The following SLC9A9 variants were observed in gnomAD, a reference collection of about 807,000 sequenced individuals.
The protein encoded by SLC9A9 is solute carrier family 9 member A9, also known as sodium/hydrogen exchanger 9.
In SLC9A9, 62 loss-of-function variants were observed where a neutral mutation model predicts 77.8. The observed-to-expected ratio is 0.80, with a 90% confidence interval of 0.65 to 0.98. The LOEUF (loss-of-function observed/expected upper bound fraction) is 0.98, where lower values mean the gene tolerates loss of function less well. Ranked by LOEUF, SLC9A9 falls within the 50% of genes least tolerant of loss-of-function variation. The probability of loss-of-function intolerance (pLI) is 0.00; values close to 1 mark genes in which losing one functional copy is unlikely to be tolerated. For missense variants in SLC9A9, 775 were observed against 774.9 expected, an observed-to-expected ratio of 1.00 and a Z score of 0.00; for synonymous variants, 320 against 283.5, an observed-to-expected ratio of 1.13 and a Z score of -1.29.
At chr3:143,470,518 T>A (rs1455166276) in intron 11 of SLC9A9, among the ~76,000 whole-genome samples, 1 of 151,770 alleles carries the variant, frequency 6.6e-6, no homozygotes, top group Non-Finnish European at 1.5e-5. Context: ...AAGTGAACTT[T>A]CAAATTTCTC....
intron 4 of SLC9A9, among the ~76,000 whole-genome samples, chr3:143,757,718 C>T (rs1424604257): frequency 6.6e-6 from 1 of 152,116 alleles, no homozygotes; most frequent in Non-Finnish European, 1.5e-5. Context: ...CTAACTCATT[C>T]TATCTCTTGA....
intron 12 of SLC9A9, among the ~76,000 whole-genome samples, chr3:143,390,149 C>T (rs1216700560): frequency 6.6e-6 from 1 of 152,128 alleles, no homozygotes; most frequent in East Asian, 1.9e-4. Flanking sequence ...CCAAGGTTGC[C>T]CATATGCCAT....
At chr3:143,535,112 C>T (rs114097787) in intron 9 of SLC9A9, among the ~76,000 whole-genome samples, 93 of 152,226 alleles carry the variant, frequency 6.1e-4, no homozygotes, top group African/African-American at 2.2e-3. Context: ...GTACCTAATT[C>T]CTATATGTTA....
chr3:143,695,741 C>T (rs1933618556), intron 4 of SLC9A9, among the ~76,000 whole-genome samples: 1 of 152,090 alleles, frequency 6.6e-6, no homozygotes, highest in African/African-American at 2.4e-5. Context: ...GTTCTAGATC[C>T]TTGAGGAATC....
chr3:143,747,299 G>A (rs1935216893), intron 4 of SLC9A9, among the ~76,000 whole-genome samples: 2 of 151,980 alleles, frequency 1.3e-5, no homozygotes, highest in South Asian at 4.2e-4. Context: ...AGCTACTTGG[G>A]AGGCTGAGGC....
intron 11 of SLC9A9, among the ~76,000 whole-genome samples, chr3:143,467,810 A>G (rs1170494960): frequency 6.6e-6 from 1 of 151,868 alleles, no homozygotes. Flanking sequence ...TTTTATAACC[A>G]CACCTACTTC....
intron 12 of SLC9A9, among the ~76,000 whole-genome samples, chr3:143,444,004 ACTT>A (rs1338922079): frequency 1.3e-5 from 2 of 152,118 alleles, no homozygotes; most frequent in Non-Finnish European, 2.9e-5. Context: ...TGGTGTAATG[ACTT>A]AACATCCCTT....
chr3:143,414,929 T>C (rs11707317), intron 12 of SLC9A9, among the ~76,000 whole-genome samples: 1,611 of 152,298 alleles, frequency 0.011, 9 homozygotes, highest in Middle Eastern at 0.017. Flanking sequence ...AAGGAAGAGT[T>C]CTTGAAGGAA....
At chr3:143,274,666 G>A (rs1355954997) in intron 14 of SLC9A9, among the ~76,000 whole-genome samples, 1 of 152,124 alleles carries the variant, frequency 6.6e-6, no homozygotes, top group African/African-American at 2.4e-5. Context: ...AGTTCTTATG[G>A]ATATTTCCAA....
chr3:143,661,827 C>T (rs1368069162), intron 5 of SLC9A9, among the ~76,000 whole-genome samples: 1 of 152,118 alleles, frequency 6.6e-6, no homozygotes, highest in Non-Finnish European at 1.5e-5. Context: ...GTCCGGCCTC[C>T]TCTTTCTCAG....
At chr3:143,568,225 C>T (rs995478169) in intron 8 of SLC9A9, among the ~76,000 whole-genome samples, 3 of 152,114 alleles carry the variant, frequency 2.0e-5, no homozygotes, top group Non-Finnish European at 4.4e-5. Flanking sequence ...CCTCCTCTCT[C>T]CCTCCTAAAG....
intron 5 of SLC9A9, among the ~76,000 whole-genome samples, chr3:143,673,767 C>T (rs2039194323): frequency 6.6e-6 from 1 of 151,900 alleles, no homozygotes. Flanking sequence ...CATCTGGAAA[C>T]ATGGAGAAAA....
chr3:143,811,037 T>C (rs1195552460), intron 2 of SLC9A9, among the ~76,000 whole-genome samples: 1 of 152,172 alleles, frequency 6.6e-6, no homozygotes, highest in East Asian at 1.9e-4. Context: ...GGCATTGACA[T>C]GCAGAACCAT....
chr3:143,549,811 G>A (rs1307509218), intron 9 of SLC9A9, among the ~76,000 whole-genome samples: 9 of 151,706 alleles, frequency 5.9e-5, no homozygotes, highest in African/African-American at 1.9e-4. Flanking sequence ...ACAGGGTTCA[G>A]CTTCCCAGAA....
chr3:143,561,023 A>G (rs1256373016), intron 8 of SLC9A9, among the ~76,000 whole-genome samples: 1 of 152,180 alleles, frequency 6.6e-6, no homozygotes, highest in Non-Finnish European at 1.5e-5. Context: ...TCTACTAAAA[A>G]TACAAAAATT....
chr3:143,358,010 G>A (rs1458065297), intron 14 of SLC9A9, among the ~76,000 whole-genome samples: 1 of 136,570 alleles, frequency 7.3e-6, no homozygotes, highest in East Asian at 2.2e-4. Flanking sequence ...TTTAGGAGGG[G>A]AAGGTTTTTC....
At chr3:143,340,266 TAAA>T (rs1340036070) in intron 14 of SLC9A9, among the ~76,000 whole-genome samples, 2 of 152,016 alleles carry the variant, frequency 1.3e-5, no homozygotes, top group Non-Finnish European at 2.9e-5. Context: ...AATAAATAAA[TAAA>T]ACAGTAGGCA....
At chr3:143,366,970 C>T (rs1159116619) in intron 13 of SLC9A9, among the ~76,000 whole-genome samples, 1 of 152,132 alleles carries the variant, frequency 6.6e-6, no homozygotes, top group African/African-American at 2.4e-5. Context: ...GGGTGAACTG[C>T]CAATGGCTTT....
intron 12 of SLC9A9, among the ~76,000 whole-genome samples, chr3:143,447,959 T>C (rs530787202): frequency 2.8e-4 from 43 of 152,256 alleles, no homozygotes; most frequent in African/African-American, 1.0e-3. Context: ...TGGCACACAG[T>C]AGAAGCTTAA....
Sources: gnomAD v4.1 joint callset for allele counts (sites outside exome capture counted in the v4.1 genomes callset) on GRCh38, gnomAD v4.1.1 for gene constraint, MANE v1.5 for transcripts, NCBI Gene and HGNC (gene_info 2026-07-23, HGNC 2026-07-21) for gene names.